The following DOCK4 variants were observed in gnomAD, a reference collection of about 807,000 sequenced individuals.
The protein encoded by DOCK4 is dedicator of cytokinesis protein 4.
A neutral mutation model predicts 268.1 loss-of-function variants in DOCK4; 97 were observed. The ratio of observed to expected loss-of-function variants is 0.36; its 90% confidence interval spans 0.31 to 0.43. The LOEUF (loss-of-function observed/expected upper bound fraction) is 0.43, where lower values mean the gene tolerates loss of function less well. Ranked by LOEUF, DOCK4 falls within the 20% of genes least tolerant of loss-of-function variation. The pLI, the probability that DOCK4 is intolerant of heterozygous loss-of-function variation, is 1.00. For synonymous variants in DOCK4, 954 were observed against 887.2 expected (o/e 1.08, Z -1.34); for missense variants, 2,145 against 2,455.7 (o/e 0.87, Z 2.67).
intron 1 of DOCK4, among the ~76,000 whole-genome samples, chr7:112,109,593 G>A (rs1285560864): frequency 6.6e-6 from 1 of 152,176 alleles, no homozygotes; most frequent in Non-Finnish European, 1.5e-5. Flanking sequence ...TTGATTTTCA[G>A]CGATAGTGTG....
intron 1 of DOCK4, among the ~76,000 whole-genome samples, chr7:112,092,929 C>T (rs919249070): frequency 6.6e-6 from 1 of 152,034 alleles, no homozygotes; most frequent in African/African-American, 2.4e-5. Flanking sequence ...GAAGTGGGAA[C>T]AGAATACTGA....
At chr7:112,197,190 G>A (rs1820524868) in intron 1 of DOCK4, among the ~76,000 whole-genome samples, 1 of 151,814 alleles carries the variant, frequency 6.6e-6, no homozygotes, top group African/African-American at 2.4e-5. Flanking sequence ...GGAACCTAGT[G>A]CCATCATAAG....
intron 1 of DOCK4, among the ~76,000 whole-genome samples, chr7:112,154,138 A>ATTT (rs915043123): frequency 6.6e-6 from 1 of 151,784 alleles, no homozygotes; most frequent in Non-Finnish European, 1.5e-5. Flanking sequence ...TGTCCAGCTC[A>ATTT]TTTTTTTATT....
chr7:111,884,109 T>C (rs1807644776), intron 16 of DOCK4, among the ~76,000 whole-genome samples: 1 of 152,172 alleles, frequency 6.6e-6, no homozygotes, highest in Non-Finnish European at 1.5e-5. Context: ...TAGGTTTTAA[T>C]CTATTTCTGA....
At chr7:112,068,015 GC>G (rs11362199) in intron 1 of DOCK4, among the ~76,000 whole-genome samples, 33,509 of 152,018 alleles carry the variant, frequency 0.22, 7,050 homozygotes, top group African/African-American at 0.54. Flanking sequence ...TATATACAGA[GC>G]CAAGAAAATT....
intron 1 of DOCK4, among the ~76,000 whole-genome samples, chr7:112,049,117 T>G (rs1408532178): frequency 6.6e-6 from 1 of 152,202 alleles, no homozygotes. Context: ...CGTAATTACA[T>G]GGGTAAATAT....
At chr7:111,992,170 A>G (rs1799596458) in intron 5 of DOCK4, among the ~76,000 whole-genome samples, 1 of 152,152 alleles carries the variant, frequency 6.6e-6, no homozygotes, top group Non-Finnish European at 1.5e-5. Flanking sequence ...TTAAAGAGCA[A>G]CTAGCACTTT....
intron 25 of DOCK4, among the ~76,000 whole-genome samples, chr7:111,842,582 G>A (rs1803785093): frequency 6.6e-6 from 1 of 152,194 alleles, no homozygotes; most frequent in Non-Finnish European, 1.5e-5. Context: ...AGGTCAAACA[G>A]GGAGCAGGTA....
intron 1 of DOCK4, among the ~76,000 whole-genome samples, chr7:112,134,991 ATGTGTGTG>A (rs576509921): frequency 4.6e-5 from 7 of 151,708 alleles, no homozygotes; most frequent in African/African-American, 1.4e-4. Context: ...TAAAACATAT[ATGTGTGTG>A]TGTGTGTATA....
chr7:111,917,275 C>T (rs188364220), intron 12 of DOCK4, among the ~76,000 whole-genome samples: 178 of 151,942 alleles, frequency 1.2e-3, no homozygotes, highest in African/African-American at 4.1e-3. Context: ...TGTGAGCCAC[C>T]GCGCCTGGCC....
intron 16 of DOCK4, among the ~76,000 whole-genome samples, chr7:111,892,175 T>C (rs1325976578): frequency 1.3e-5 from 2 of 152,180 alleles, no homozygotes; most frequent in Non-Finnish European, 2.9e-5. Flanking sequence ...CATCCGTATT[T>C]TTAAGGCTCG....
chr7:112,044,694 G>A (rs373041724), intron 1 of DOCK4, among the ~76,000 whole-genome samples: 1 of 151,978 alleles, frequency 6.6e-6, no homozygotes, highest in African/African-American at 2.4e-5. Context: ...CTCACCTCGT[G>A]AAATACAACT....
At chr7:111,954,579 G>C (rs564867664) in intron 8 of DOCK4, among the ~76,000 whole-genome samples, 4 of 152,122 alleles carry the variant, frequency 2.6e-5, no homozygotes, top group Non-Finnish European at 5.9e-5. Flanking sequence ...AGCAGCGTGC[G>C]TCAGCAAGAT....
In DOCK4 at chr7:112,065,692, AG is replaced by A. The variant is rs541932437; in HGVS notation, c.38-61562del. 3.6e-4 allele frequency among the ~76,000 whole-genome samples: 54 copies of A among 152,024 alleles called. No individual in the cohort carries two copies. In the East Asian group the frequency reaches 0.01, roughly 29 times the overall value. ...AAGTCCCCCAGATATTCTCATGCACAGCTAGATTTGGAGCCATAAGGGTAGA... is the reference window on the plus strand; with the variant it reads ...AAGTCCCCCAGATATTCTCATGCACACTAGATTTGGAGCCATAAGGGTAGA... On this transcript the variant is annotated intron_variant, in intron 1 of 52. Transcript: ENST00000428084.
intron 1 of DOCK4, among the ~76,000 whole-genome samples, chr7:112,147,839 C>T (rs1815665776): frequency 7.1e-6 from 1 of 141,270 alleles, no homozygotes; most frequent in African/African-American, 2.7e-5. Flanking sequence ...AAAGAGAAGC[C>T]ACCACCAGGA....
At chr7:111,739,719 G>A (rs753101433) in intron 47 of DOCK4, 11 of 507,020 alleles carry the variant, frequency 2.2e-5, no homozygotes, top group East Asian at 1.1e-4. Flanking sequence ...CTGTGACTTC[G>A]TACCAGTTAG....
At chr7:112,122,687 C>A (rs1205381004) in intron 1 of DOCK4, among the ~76,000 whole-genome samples, 1 of 152,118 alleles carries the variant, frequency 6.6e-6, no homozygotes, top group African/African-American at 2.4e-5. Flanking sequence ...TTGAATTTGT[C>A]ATTTTTATTT....
chr7:111,978,294 C>T (rs961996172), intron 7 of DOCK4, among the ~76,000 whole-genome samples: 4 of 152,192 alleles, frequency 2.6e-5, no homozygotes, highest in African/African-American at 9.7e-5. Flanking sequence ...TGCAGTGGCA[C>T]GATCTCAGCT....
chr7:112,205,772 G>GACAC (rs35579043), intron 1 of DOCK4, among the ~76,000 whole-genome samples: 13,259 of 148,786 alleles, frequency 0.089, 1,078 homozygotes, highest in African/African-American at 0.22. Flanking sequence ...CTTCCAACTT[G>GACAC]ACACACACAC....
Sources: gnomAD v4.1 joint callset for allele counts (sites outside exome capture counted in the v4.1 genomes callset) on GRCh38, gnomAD v4.1.1 for gene constraint, MANE v1.5 for transcripts, NCBI Gene and HGNC (gene_info 2026-07-23, HGNC 2026-07-21) for gene names.